The following TGM6 variants were observed in gnomAD, a reference collection of about 807,000 sequenced individuals.
The protein encoded by TGM6 is protein-glutamine gamma-glutamyltransferase 6.
Under a neutral mutation model 77.5 loss-of-function variants are expected in TGM6, and 74 were observed. The ratio of observed to expected loss-of-function variants is 0.96; its 90% CI spans 0.79 to 1.16. The LOEUF is 1.16. Ranked by LOEUF, TGM6 falls within the 50% of genes most tolerant of loss-of-function variation. TGM6 has a pLI of 0.00. For missense variants in TGM6, 968 were observed against 940.2 expected, an observed-to-expected ratio of 1.03 and a Z score of -0.39; for synonymous variants, 383 against 378.9, an observed-to-expected ratio of 1.01 and a Z score of -0.12.
chr20:2,426,284 T>A (rs1460084978), intron 10 of TGM6, among the ~76,000 whole-genome samples: 1 of 152,172 alleles, frequency 6.6e-6, no homozygotes, highest in East Asian at 1.9e-4. Flanking sequence ...ATTATGTTTT[T>A]AATTTTAATT....
intron 2 of TGM6, among the ~76,000 whole-genome samples, chr20:2,394,839 CCT>C (rs1052383717): frequency 6.6e-6 from 1 of 152,108 alleles, no homozygotes; most frequent in Non-Finnish European, 1.5e-5. Flanking sequence ...GATGGGATGA[CCT>C]CTCTGGAACC....
intron 1 of TGM6, among the ~76,000 whole-genome samples, chr20:2,385,044 G>A (rs559907346): frequency 6.0e-4 from 91 of 152,280 alleles, no homozygotes; most frequent in African/African-American, 1.9e-3. Context: ...CCTCCATTGG[G>A]CAGTGGGTGA....
intron 1 of TGM6, among the ~76,000 whole-genome samples, chr20:2,393,769 C>A (rs1213689971): frequency 6.6e-6 from 1 of 152,104 alleles, no homozygotes; most frequent in Non-Finnish European, 1.5e-5. Context: ...TTAGGCAATC[C>A]GCCCACCTCG....
At chr20:2,389,451 A>G (rs2084616624) in intron 1 of TGM6, among the ~76,000 whole-genome samples, 1 of 152,194 alleles carries the variant, frequency 6.6e-6, no homozygotes, top group Admixed American at 6.5e-5. Flanking sequence ...AAGATAACAT[A>G]TGATTATCAT....
chr20:2,430,497 C>T lies in TGM6; in HGVS notation c.1730C>T (p.Thr577Ile), dbSNP rs199602236. 6 of 1,614,194 alleles carry T rather than the reference C, an allele frequency of 3.7e-6. No individual in the cohort carries two copies. The highest frequency in any genetic ancestry group is 4.5e-5 in the East Asian group (2 of 44,880). Residue 577 changes from threonine to isoleucine, a missense_variant, in exon 11 of 13, where the codon ACA (threonine) becomes ATA (isoleucine). Coordinates refer to ENST00000202625, the MANE Select transcript of TGM6 (RefSeq NM_198994.3). ...ISYSKYKEDL[T>I]EDKKILLAAM... ...TACTCTAAGTATAAAGAAGACCTGA[C>T]AGAGGACAAGAAGATCCTGTTGGCT...
chr20:2,421,080 G>C (rs1379285369), intron 10 of TGM6, among the ~76,000 whole-genome samples: 1 of 151,990 alleles, frequency 6.6e-6, no homozygotes, highest in Non-Finnish European at 1.5e-5. Flanking sequence ...TCCGCCTCCC[G>C]GGTTCAAGTG....
chr20:2,394,187 G>A (rs1446111645), intron 1 of TGM6, among the ~76,000 whole-genome samples: 2 of 152,102 alleles, frequency 1.3e-5, no homozygotes, highest in Admixed American at 6.5e-5. Context: ...CCAGCTACTC[G>A]GGAGGCTGAG....
intron 1 of TGM6, among the ~76,000 whole-genome samples, chr20:2,386,211 C>T (rs1212545205): frequency 6.6e-6 from 1 of 152,122 alleles, no homozygotes; most frequent in East Asian, 1.9e-4. Context: ...CCGGTAGTTC[C>T]CCCTGCAGAA....
At chr20:2,404,175 A>C (rs1007512447) in intron 9 of TGM6, among the ~76,000 whole-genome samples, 3 of 152,218 alleles carry the variant, frequency 2.0e-5, no homozygotes, top group African/African-American at 7.2e-5. Context: ...TATTTATTGA[A>C]CACCTAGGAC....
intron 9 of TGM6, among the ~76,000 whole-genome samples, chr20:2,413,841 C>A (rs1056252889): frequency 2.0e-5 from 3 of 152,038 alleles, no homozygotes; most frequent in Admixed American, 6.5e-5. Context: ...TCGGTTAGAC[C>A]AAGCCTTTTC....
intron 1 of TGM6, among the ~76,000 whole-genome samples, chr20:2,390,864 G>C (rs545034048): frequency 6.6e-6 from 1 of 152,160 alleles, no homozygotes; most frequent in South Asian, 2.1e-4. Context: ...GGGAACAGCA[G>C]GTGCAAAGGC....
intron 1 of TGM6, among the ~76,000 whole-genome samples, chr20:2,387,888 C>A (rs1471830947): frequency 6.6e-6 from 1 of 152,182 alleles, no homozygotes; most frequent in Non-Finnish European, 1.5e-5. Flanking sequence ...CCAGATAATT[C>A]TGTCTGTCAG....
At chr20:2,417,054 T>G (rs1184930020) in intron 9 of TGM6, among the ~76,000 whole-genome samples, 178 bp from the exon 10 acceptor site, 1 of 152,190 alleles carries the variant, frequency 6.6e-6, no homozygotes, top group African/African-American at 2.4e-5. Flanking sequence ...AAATTTGCAT[T>G]TTTATGTGAA....
chr20:2,423,177 G>C (rs2084867827), intron 10 of TGM6, among the ~76,000 whole-genome samples: 1 of 151,772 alleles, frequency 6.6e-6, no homozygotes, highest in Non-Finnish European at 1.5e-5. Context: ...CCAAAGGTTG[G>C]GGTGGTTGTG....
At chr20:2,413,293 C>A (rs1342199095) in intron 9 of TGM6, among the ~76,000 whole-genome samples, 1 of 152,106 alleles carries the variant, frequency 6.6e-6, no homozygotes, top group Non-Finnish European at 1.5e-5. Flanking sequence ...GCATGGCTAC[C>A]AGCTACTCAG....
At position 2,397,663 on chromosome 20, in the gene TGM6, T is replaced by C. The variant is rs2235609; in HGVS notation, c.544-255T>C. 0.91 allele frequency among the ~76,000 whole-genome samples: 137,961 copies of C among 152,272 alleles called. 62,517 individuals carry two copies. The highest frequency in any genetic ancestry group is 0.93 in the Admixed American group (14,184 of 15,292). ...GCCTCCGATTTTAGCTCAGACTTTA[T>C]TGTGGGTAGTCAGGAGCCACAGGAG... On this transcript the variant is annotated intron_variant, in intron 4 of 12. Transcript: ENST00000202625.
In TGM6 at chr20:2,430,712, T is replaced by C. The variant is rs141891739; in HGVS notation, c.1833+112T>C. 375 of 1,596,092 alleles carry C rather than the reference T, an allele frequency of 2.3e-4. 4 individuals carry two copies. In the East Asian group the frequency reaches 8.3e-3, roughly 35 times the overall value. On this transcript the variant is annotated intron_variant, in intron 11 of 12. Coordinates refer to ENST00000202625, the MANE Select transcript of TGM6 (RefSeq NM_198994.3). ...GTGCCTTTAACTCCAGCTTTAGCTC[T>C]CCAGGGTGGGAGGAGTGGGTTGGAC...
Position 2,403,855 on chromosome 20 carries a change from C to T in TGM6, c.1336+32C>T, listed in dbSNP as rs539728492. On this transcript the variant is annotated intron_variant, in intron 9 of 12. Transcript: ENST00000202625. The stretch of plus-strand genomic sequence containing the variant: ...GCCACATGGCGGCCTTTATTACCTT[C>T]CCCCGGATGGCCCATCAGCTGCAGA... 6.2e-6 allele frequency: 10 copies of T among 1,613,514 alleles called. No individual in the cohort carries two copies. The African/African-American group carries it at 1.3e-4, about 22-fold the overall frequency.
At chr20:2,420,256 CAA>C in intron 10 of TGM6, among the ~76,000 whole-genome samples, 1 of 144,700 alleles carries the variant, frequency 6.9e-6, no homozygotes, top group Admixed American at 6.9e-5. Flanking sequence ...AAAAAACAAA[CAA>C]AAAAAAAAGT....
Sources: gnomAD v4.1 joint callset for allele counts (sites outside exome capture counted in the v4.1 genomes callset) on GRCh38, gnomAD v4.1.1 for gene constraint, MANE v1.5 for transcripts, NCBI Gene and HGNC (gene_info 2026-07-23, HGNC 2026-07-21) for gene names.